Variants in SMIM14 observed in about 807,000 individuals in gnomAD.
SMIM14 encodes the protein small integral membrane protein 14, also known as chromosome 4 open reading frame 34.
In SMIM14, 5 loss-of-function variants were observed where a neutral mutation model predicts 12.6. The observed-to-expected ratio is 0.40, with a 90% CI of 0.21 to 0.83. The LOEUF (loss-of-function observed/expected upper bound fraction) is 0.83, where lower values mean the gene tolerates loss of function less well. Ranked by LOEUF, SMIM14 falls within the 40% of genes least tolerant of loss-of-function variation. The pLI, the probability that SMIM14 is intolerant of heterozygous loss-of-function variation, is 0.37. For synonymous variants in SMIM14, 30 were observed against 40.1 expected, an observed-to-expected ratio of 0.75 and a Z score of 0.95; for missense variants, 86 against 119.1, an observed-to-expected ratio of 0.72 and a Z score of 1.29.
chr4:39,618,332 ATC>A (rs1715298310), intron 1 of SMIM14, among the ~76,000 whole-genome samples: 1 of 152,168 alleles, frequency 6.6e-6, no homozygotes, highest in African/African-American at 2.4e-5. Context: ...GCAAGATGTG[ATC>A]ACCACTCTCA....
At position 39,614,185 on chromosome 4, in the gene SMIM14, CAAAAAAAAAA is replaced by C. The variant is rs60332502; in HGVS notation, c.-35-9015_-35-9006del. Reference sequence around the variant, plus strand: ...GGGCAACAAGAGCGAAACTCCATTACAAAAAAAAAAAAAAAAAAGAAAATTCAAAATAATC... The same window carrying C: ...GGGCAACAAGAGCGAAACTCCATTACAAAAAAAAGAAAATTCAAAATAATC... On this transcript the variant is annotated intron_variant, in intron 1 of 4. Coordinates refer to ENST00000295958, the MANE Select transcript of SMIM14 (RefSeq NM_174921.3). Among the ~76,000 whole-genome samples, 402 of 102,288 alleles carry C rather than the reference CAAAAAAAAAA, an allele frequency of 3.9e-3. 2 individuals are homozygous for C. Among genetic ancestry groups the C allele is most frequent in the Middle Eastern group, 0.014 (3 of 210 alleles). The allele number at this position is 102,288 out of a possible 152,430, so 67.1% of individuals were successfully genotyped here.
intron 1 of SMIM14, among the ~76,000 whole-genome samples, chr4:39,612,526 T>TCCTTACTCCTGACGTGTATCCC (rs1439757915): frequency 1.3e-5 from 2 of 152,190 alleles, no homozygotes. Flanking sequence ...AGTCCATCCT[T>TCCTTACTCCTGACGTGTATCCC]CCTTACTCCT....
At chr4:39,588,631 T>C (rs1326896424) in intron 2 of SMIM14, among the ~76,000 whole-genome samples, 1 of 152,076 alleles carries the variant, frequency 6.6e-6, no homozygotes, top group African/African-American at 2.4e-5. Flanking sequence ...TGCAAAATAT[T>C]ATTAAATTGA....
At chr4:39,560,308 C>A (rs1349582554) in intron 3 of SMIM14, among the ~76,000 whole-genome samples, 1 of 140,884 alleles carries the variant, frequency 7.1e-6, no homozygotes, top group Non-Finnish European at 1.5e-5. Flanking sequence ...AGTGCAGTGG[C>A]GCGATCTCCG....
At chr4:39,561,853 C>G (rs963988852) in intron 3 of SMIM14, among the ~76,000 whole-genome samples, 4 of 151,982 alleles carry the variant, frequency 2.6e-5, no homozygotes, top group South Asian at 2.1e-4. Flanking sequence ...AAAAATTGCT[C>G]GAACCCGGAA....
intron 3 of SMIM14, among the ~76,000 whole-genome samples, chr4:39,568,490 T>G (rs78379542): frequency 0.036 from 5,481 of 152,042 alleles, 128 homozygotes; most frequent in East Asian, 0.076. Flanking sequence ...CAATGGAATA[T>G]ATACAAAATA....
intron 2 of SMIM14, among the ~76,000 whole-genome samples, chr4:39,580,342 G>C (rs968124511): frequency 6.6e-6 from 1 of 151,744 alleles, no homozygotes; most frequent in Non-Finnish European, 1.5e-5. Context: ...ACCAACACCC[G>C]GTTTTTAAAT....
intron 1 of SMIM14, 116 bp downstream of exon 1, chr4:39,638,623 A>G: frequency 1.0e-6 from 1 of 973,952 alleles, no homozygotes; most frequent in Non-Finnish European, 1.2e-6. Context: ...CCCGAGAAAC[A>G]GCCCTGTTCT....
intron 3 of SMIM14, 89 bp from the exon 4 acceptor site, chr4:39,556,659 T>C: frequency 8.8e-7 from 1 of 1,132,562 alleles, no homozygotes; most frequent in Non-Finnish European, 1.2e-6. Flanking sequence ...TCAATTACTG[T>C]ATTAATATAA....
intron 2 of SMIM14, among the ~76,000 whole-genome samples, chr4:39,574,913 A>C (rs28718090): frequency 0.17 from 25,427 of 151,916 alleles, 4,068 homozygotes; most frequent in African/African-American, 0.42. Flanking sequence ...GCAGGAGGAT[A>C]GCTTAAACCT....
chr4:39,632,497 AAAAC>A (rs1273324205), intron 1 of SMIM14, among the ~76,000 whole-genome samples: 1 of 151,352 alleles, frequency 6.6e-6, no homozygotes, highest in East Asian at 1.9e-4. Context: ...AAAAAAAAAA[AAAAC>A]CTTCATGTCT....
At chr4:39,573,972 G>T (rs1298448309) in intron 2 of SMIM14, among the ~76,000 whole-genome samples, 1 of 152,110 alleles carries the variant, frequency 6.6e-6, no homozygotes, top group African/African-American at 2.4e-5. Context: ...CCTTTTATAA[G>T]CATACAACCT....
intron 2 of SMIM14, among the ~76,000 whole-genome samples, chr4:39,581,573 TG>T (rs1560291734): frequency 6.8e-6 from 1 of 147,716 alleles, no homozygotes; most frequent in Non-Finnish European, 1.5e-5. Flanking sequence ...TGGAGTGCAG[TG>T]GTGTGATCTA....
intron 2 of SMIM14, among the ~76,000 whole-genome samples, chr4:39,604,538 AAAT>A (rs1053701127): frequency 9.2e-5 from 14 of 151,492 alleles, no homozygotes; most frequent in South Asian, 2.1e-4. Flanking sequence ...CTCCATCTCA[AAAT>A]AATAATAATA....
At chr4:39,559,961 TA>T (rs149288205) in intron 3 of SMIM14, among the ~76,000 whole-genome samples, 75 of 144,948 alleles carry the variant, frequency 5.2e-4, no homozygotes, top group Middle Eastern at 3.6e-3. Context: ...TACAAAAAAT[TA>T]AAAAAAAAAA....
At chr4:39,568,153 C>T (rs1712677261) in intron 3 of SMIM14, among the ~76,000 whole-genome samples, 1 of 151,934 alleles carries the variant, frequency 6.6e-6, no homozygotes, top group Non-Finnish European at 1.5e-5. Context: ...GTAGTGCATT[C>T]CTGTAATCCT....
At chr4:39,638,288 C>T (rs1716180747) in intron 1 of SMIM14, 1 of 192,722 alleles carries the variant, frequency 5.2e-6, no homozygotes, top group Non-Finnish European at 9.5e-6. Flanking sequence ...TCTCACTTAT[C>T]ACAACAAAGG....
intron 3 of SMIM14, among the ~76,000 whole-genome samples, chr4:39,556,889 G>C (rs1712043852): frequency 6.6e-6 from 1 of 152,228 alleles, no homozygotes; most frequent in South Asian, 2.1e-4. Context: ...CTATGTTCAT[G>C]GGATCCTCTC....
rs1712136676 is a variant in SMIM14 at position 39,558,753 on chromosome 4, C to T, written c.125-2183G>A. 6.6e-6 allele frequency among the ~76,000 whole-genome samples: 1 copy of T among 152,158 alleles called. No individual in the cohort carries two copies. Among genetic ancestry groups the T allele is most frequent in the African/African-American group, 2.4e-5 (1 of 41,436 alleles). The stretch of plus-strand genomic sequence containing the variant: ...TTGAGACAGAGTCTTGCCCTGTCGT[C>T]CAAGCTGGAATACAATGGCATGTCA... On this transcript the variant is annotated intron_variant, in intron 3 of 4. Transcript: ENST00000295958. This position sits in a 1 kb window ranked among gnomAD's most constrained non-coding sequence, Gnocchi z 4.3.
Sources: allele counts gnomAD v4.1 joint callset (sites outside exome capture counted in the v4.1 genomes callset), GRCh38; gene constraint gnomAD v4.1.1; non-coding constraint Gnocchi (gnomAD v3.1); transcripts MANE v1.5; gene names NCBI Gene and HGNC (gene_info 2026-07-23, HGNC 2026-07-21).